WWTR1: variants seen among roughly 807,000 people sequenced by gnomAD.
The protein encoded by WWTR1 is WW domain-containing transcription regulator protein 1.
A neutral mutation model predicts 40.1 loss-of-function variants in WWTR1; 13 were observed. That is an observed-to-expected ratio of 0.32 (90% confidence interval 0.21 to 0.52). WWTR1 has a LOEUF of 0.52. Among genes scored for constraint, WWTR1 ranks in the 20% least tolerant of loss-of-function variants. The pLI is 0.97. For synonymous variants in WWTR1, 230 were observed against 210.1 expected, an observed-to-expected ratio of 1.09 and a Z score of -0.82; for missense variants, 436 against 523.1, an observed-to-expected ratio of 0.83 and a Z score of 1.63.
chr3:149,621,451 A>T (rs1330637704), intron 2 of WWTR1, among the ~76,000 whole-genome samples: 1 of 152,226 alleles, frequency 6.6e-6, no homozygotes, highest in East Asian at 1.9e-4. Flanking sequence ...CGAGAGCAAG[A>T]GACCGCTGCA....
chr3:149,537,180 G>A (rs1014713820), intron 4 of WWTR1, among the ~76,000 whole-genome samples: 1 of 152,186 alleles, frequency 6.6e-6, no homozygotes, highest in African/African-American at 2.4e-5. Context: ...AGAATACTCT[G>A]TAGTCATTGT....
chr3:149,683,589 G>T (rs1714532153), intron 1 of WWTR1, among the ~76,000 whole-genome samples: 1 of 152,192 alleles, frequency 6.6e-6, no homozygotes, highest in Non-Finnish European at 1.5e-5. Context: ...AGCTACTCAG[G>T]AGGCTGAGGC....
chr3:149,715,106 C>A lies in WWTR1; in HGVS notation n.584+2336G>T, dbSNP rs996714527. ...AAAGCTCCTCTTCGCCTTGCTCACC[C>A]TCTACTTGTCTGTGTGGAAGAACAA... On this transcript the variant is annotated intron_variant and non_coding_transcript_variant, in intron 5 of 6. Transcript: ENST00000474080. Among the ~76,000 whole-genome samples the A allele has an allele frequency of 3.3e-5, 5 of 152,304 alleles. No individual in the cohort carries two copies. The East Asian group carries it at 9.7e-4, about 29-fold the overall frequency.
intron 2 of WWTR1, among the ~76,000 whole-genome samples, chr3:149,602,648 T>C (rs1739292260): frequency 6.6e-6 from 1 of 152,164 alleles, no homozygotes; most frequent in Non-Finnish European, 1.5e-5. Flanking sequence ...TGACACTCAA[T>C]TGGTGAGAAA....
chr3:149,615,137 C>T (rs1395399616), intron 2 of WWTR1, among the ~76,000 whole-genome samples: 1 of 152,150 alleles, frequency 6.6e-6, no homozygotes, highest in African/African-American at 2.4e-5. Flanking sequence ...GTGGCATGCT[C>T]CTTAAATGAA....
intron 2 of WWTR1, among the ~76,000 whole-genome samples, chr3:149,601,765 T>C (rs911532055): frequency 2.6e-5 from 4 of 152,284 alleles, no homozygotes; most frequent in African/African-American, 9.6e-5. Flanking sequence ...GGCTACCTTT[T>C]AAGGATCCTC....
At chr3:149,630,147 A>C (rs1291648227) in intron 2 of WWTR1, among the ~76,000 whole-genome samples, 4 of 152,154 alleles carry the variant, frequency 2.6e-5, no homozygotes, top group Non-Finnish European at 5.9e-5. Flanking sequence ...CACCGGGCTA[A>C]CTTCAAGGAT....
intron 6 of WWTR1, 48 bp downstream of exon 6, chr3:149,525,965 T>C (rs755283415): frequency 3.4e-5 from 38 of 1,128,654 alleles, no homozygotes; most frequent in Non-Finnish European, 4.6e-5. Flanking sequence ...GAAGAGATCA[T>C]TTAAAAAACA....
intron 2 of WWTR1, among the ~76,000 whole-genome samples, chr3:149,594,642 A>G (rs1252674071): frequency 1.3e-5 from 2 of 152,020 alleles, no homozygotes; most frequent in African/African-American, 4.8e-5. Context: ...ACACTTTTTG[A>G]ATCAGGAGAA....
intron 2 of WWTR1, among the ~76,000 whole-genome samples, chr3:149,637,809 T>C (rs1330265831): frequency 6.6e-6 from 1 of 152,046 alleles, no homozygotes; most frequent in Non-Finnish European, 1.5e-5. Context: ...AGACAGGAGA[T>C]GGGGCTGGCT....
intron 4 of WWTR1, among the ~76,000 whole-genome samples, chr3:149,541,301 T>C (rs1736089102): frequency 6.6e-6 from 1 of 152,244 alleles, no homozygotes; most frequent in Non-Finnish European, 1.5e-5. Flanking sequence ...GGGAGAGCAC[T>C]GTGGGTTCTT....
intron 5 of WWTR1, among the ~76,000 whole-genome samples, chr3:149,717,071 G>A (rs989943303): frequency 6.6e-6 from 1 of 152,126 alleles, no homozygotes; most frequent in African/African-American, 2.4e-5. Flanking sequence ...GGGGGCTGAC[G>A]TGGGAGGATT....
Position 149,536,489 on chromosome 3 carries a change from G to A in WWTR1, c.771+5846C>T, listed in dbSNP as rs868352836. Among the ~76,000 whole-genome samples the A allele has an allele frequency of 4.0e-5, 6 of 151,858 alleles. No individual in the cohort carries two copies. In the South Asian group the frequency reaches 8.3e-4, roughly 21 times the overall value. ...TGCATGACAAAAAAAAAAAGGGGGG[G>A]GCCTCAGAACCTTCCCCAGGCCAGT... On this transcript the variant is annotated intron_variant, in intron 4 of 6. Transcript: ENST00000360632.
At chr3:149,718,982 C>A (rs35694321) in intron 4 of WWTR1, among the ~76,000 whole-genome samples, 1 of 151,188 alleles carries the variant, frequency 6.6e-6, no homozygotes, top group Non-Finnish European at 1.5e-5. Flanking sequence ...CTTGTCACCA[C>A]GCCTGGCTAA....
chr3:149,614,379 A>G (rs950439298), intron 2 of WWTR1, among the ~76,000 whole-genome samples: 5 of 152,218 alleles, frequency 3.3e-5, no homozygotes, highest in Admixed American at 3.3e-4. Context: ...CAGTACAGTA[A>G]CATACTGTAC....
At chr3:149,628,098 A>C (rs571234314) in intron 2 of WWTR1, among the ~76,000 whole-genome samples, 168 of 143,824 alleles carry the variant, frequency 1.2e-3, no homozygotes, top group South Asian at 0.01. Context: ...AAGCCAGGCG[A>C]GGTGGCTCAC....
chr3:149,615,521 T>A (rs1051478517), intron 2 of WWTR1, among the ~76,000 whole-genome samples: 3 of 152,238 alleles, frequency 2.0e-5, no homozygotes, highest in Non-Finnish European at 2.9e-5. Context: ...GATATTTGAA[T>A]ATTTCCATAA....
At chr3:149,551,915 T>C (rs957579823) in intron 3 of WWTR1, among the ~76,000 whole-genome samples, 2 of 146,084 alleles carry the variant, frequency 1.4e-5, no homozygotes, top group African/African-American at 2.6e-5. Flanking sequence ...GTTGTCCTTT[T>C]GTATCCATAT....
At chr3:149,610,162 T>C (rs1359823566) in intron 2 of WWTR1, among the ~76,000 whole-genome samples, 1 of 152,252 alleles carries the variant, frequency 6.6e-6, no homozygotes, top group Non-Finnish European at 1.5e-5. Flanking sequence ...CATTATATAC[T>C]ATACATCTTC....
Sources: allele counts gnomAD v4.1 joint callset (sites outside exome capture counted in the v4.1 genomes callset), GRCh38; gene constraint gnomAD v4.1.1; transcripts MANE v1.5; gene names NCBI Gene and HGNC (gene_info 2026-07-23, HGNC 2026-07-21).